Variants in DNAH7 observed in about 807,000 individuals in gnomAD.
DNAH7 encodes the protein axonemal beta dynein heavy chain 7.
In DNAH7, 397 loss-of-function variants were observed where a neutral mutation model predicts 444.6. That is an observed-to-expected ratio of 0.89 (90% CI 0.82 to 0.97). The LOEUF is 0.97. DNAH7 is among the 50% of genes least tolerant of loss of function. The pLI is 0.00. For synonymous variants in DNAH7, 1,636 were observed against 1,624.4 expected (o/e 1.01, Z -0.17); for missense variants, 4,902 against 4,800.8 (o/e 1.02, Z -0.62).
At position 195,847,811 on chromosome 2, in the gene DNAH7, G is replaced by C. The variant is rs544021707; in HGVS notation, c.8782-2646C>G. Among the ~76,000 whole-genome samples the C allele has an allele frequency of 7.9e-5, 12 of 152,214 alleles. 1 individual carries two copies. In the South Asian group the frequency reaches 1.5e-3, roughly 18 times the overall value. On this transcript the variant is annotated intron_variant, in intron 46 of 64. Coordinates refer to ENST00000312428, the MANE Select transcript of DNAH7 (RefSeq NM_018897.3). ...GGAGAGACGGAAAACTTTTACTTCT[G>C]ACTCACATGCCCTGCGAGTGGCTAC...
At chr2:195,782,662 A>G (rs532283960) in intron 58 of DNAH7, among the ~76,000 whole-genome samples, 4 of 152,228 alleles carry the variant, frequency 2.6e-5, no homozygotes, top group Non-Finnish European at 5.9e-5. Flanking sequence ...ATTTAAAAAG[A>G]CATAACACTT....
chr2:196,001,675 T>G lies in DNAH7; in HGVS notation c.1173A>C (p.Pro391=). The change falls in exon 11 of 65, where the codon CCA becomes CCC. Residue 391 remains proline (P), a splice_region_variant and synonymous_variant. Transcript: ENST00000312428. Reference sequence around the variant, plus strand: ...TATTGGTGAACTGAACCATACTTACTGGGGGTTGTGCAATTAAGTCCGTGA... The same window carrying G: ...TATTGGTGAACTGAACCATACTTACGGGGGGTTGTGCAATTAAGTCCGTGA... ...QDFTDLIAQP[P]DSVRAFEHPG... is the part of the protein sequence containing the mutation. The G allele has an allele frequency of 6.4e-7, 1 of 1,550,486 alleles. No individual in the cohort carries two copies. The highest frequency in any genetic ancestry group is 8.7e-7 in the Non-Finnish European group (1 of 1,149,088).
chr2:195,912,668 C>G (rs1403441315), intron 24 of DNAH7, among the ~76,000 whole-genome samples: 3 of 152,226 alleles, frequency 2.0e-5, no homozygotes, highest in African/African-American at 7.2e-5. Context: ...CTTGGAAGAT[C>G]TGGCACATCT....
intron 24 of DNAH7, among the ~76,000 whole-genome samples, chr2:195,917,867 C>G (rs1353378713): frequency 7.2e-5 from 11 of 152,028 alleles, no homozygotes; most frequent in African/African-American, 2.4e-4. Flanking sequence ...GGGAGTTTTG[C>G]TATGTTGCCC....
chr2:195,875,218 T>C (rs921816607), intron 38 of DNAH7, among the ~76,000 whole-genome samples: 5 of 152,146 alleles, frequency 3.3e-5, no homozygotes, highest in African/African-American at 1.2e-4. Context: ...GGGACTTGAT[T>C]TGGGGTAGAA....
chr2:195,966,810 C>T (rs761042392), intron 17 of DNAH7, among the ~76,000 whole-genome samples: 36 of 152,078 alleles, frequency 2.4e-4, no homozygotes, highest in Non-Finnish European at 4.4e-4. Context: ...TTTTTTCAAC[C>T]TTTTATTTTC....
At chr2:195,890,219 G>GCTGT (rs1245623498) in intron 31 of DNAH7, among the ~76,000 whole-genome samples, 2 of 152,322 alleles carry the variant, frequency 1.3e-5, no homozygotes, top group Non-Finnish European at 2.9e-5. Context: ...GCCACTTCTA[G>GCTGT]CTGTGTTCAG....
At chr2:195,914,524 C>T (rs1182321828) in intron 24 of DNAH7, among the ~76,000 whole-genome samples, 1 of 152,218 alleles carries the variant, frequency 6.6e-6, no homozygotes, top group East Asian at 1.9e-4. Flanking sequence ...AGTACAACTG[C>T]ATTGTTCTTG....
intron 5 of DNAH7, among the ~76,000 whole-genome samples, chr2:196,030,583 C>T (rs1695989598): frequency 6.6e-6 from 1 of 152,184 alleles, no homozygotes. Flanking sequence ...CATGTAAAGT[C>T]AAAAGCAAGC....
intron 58 of DNAH7, among the ~76,000 whole-genome samples, chr2:195,784,060 C>T (rs968224934): frequency 3.9e-5 from 6 of 152,086 alleles, no homozygotes; most frequent in Admixed American, 6.5e-5. Context: ...AAGTGGCACA[C>T]GTCTTACAAA....
chr2:195,884,638 T>C lies in DNAH7; in HGVS notation c.5710A>G (p.Thr1904Ala). ...GTEQTSSKALTVPFPEKGTIY... is the reference protein window; with the variant it reads ...GTEQTSSKALAVPFPEKGTIY... ...GTTCCTTTTTCAGGAAATGGGACAGTTAGTGCCTTTGAGGATGTTTGCTCA... is the reference window on the plus strand; with the variant it reads ...GTTCCTTTTTCAGGAAATGGGACAGCTAGTGCCTTTGAGGATGTTTGCTCA... The change falls in exon 35 of 65, where the codon ACT (threonine) becomes GCT (alanine). Residue 1904 changes from threonine (T) to alanine (A), a missense_variant. Thr to Ala is a moderately conservative substitution (Grantham distance 58). Transcript: ENST00000312428. 6.2e-7 allele frequency: 1 copy of C among 1,614,176 alleles called. No homozygotes were observed. Among genetic ancestry groups the C allele is most frequent in the Non-Finnish European group, 8.5e-7 (1 of 1,180,008 alleles).
intron 48 of DNAH7, among the ~76,000 whole-genome samples, chr2:195,827,359 C>T (rs1307917026): frequency 2.0e-5 from 3 of 151,748 alleles, no homozygotes; most frequent in Admixed American, 6.6e-5. Flanking sequence ...CTCACTGCAA[C>T]CTCCATCTCC....
At chr2:195,987,841 A>T in intron 13 of DNAH7, 116 bp downstream of exon 13, 1 of 1,042,558 alleles carries the variant, frequency 9.6e-7, no homozygotes, top group Non-Finnish European at 1.4e-6. Context: ...CTCAATAAAT[A>T]TTTTTCCTGT....
chr2:195,773,146 ATAAT>A, intron 60 of DNAH7, among the ~76,000 whole-genome samples: 1 of 152,336 alleles, frequency 6.6e-6, no homozygotes, highest in East Asian at 1.9e-4. Flanking sequence ...ACACAATAAA[ATAAT>A]TAAATGTTGG....
At chr2:195,866,901 A>G (rs1411077077) in intron 40 of DNAH7, among the ~76,000 whole-genome samples, 1 of 152,138 alleles carries the variant, frequency 6.6e-6, no homozygotes, top group East Asian at 1.9e-4. Context: ...ATGATAGTGA[A>G]TAAGTCTCAC....
Position 195,872,433 on chromosome 2 carries a change from T to C in DNAH7, c.6450A>G (p.Thr2150=). 2 of 1,605,588 alleles carry C rather than the reference T, an allele frequency of 1.2e-6. No homozygotes were observed. The highest frequency in any genetic ancestry group is 2.3e-5 in the South Asian group (2 of 88,460). The change falls in exon 40 of 65, where the codon ACA becomes ACG. Residue 2150 remains threonine (T), a synonymous_variant. Transcript: ENST00000312428. ...GAGTCATTGTGCCATTTACGATTTGTGTGGTCAAATCTAGAAATTCATCTG... is the reference window on the plus strand; with the variant it reads ...GAGTCATTGTGCCATTTACGATTTGCGTGGTCAAATCTAGAAATTCATCTG... The part of the protein sequence containing the change: ...KFPDEFLDLT[T]QIVNGTMTLY...
chr2:195,755,995 T>G, intron 62 of DNAH7, 138 bp downstream of exon 62: 1 of 817,134 alleles, frequency 1.2e-6, no homozygotes, highest in Non-Finnish European at 1.8e-6. Context: ...ATACATTATA[T>G]GAAATATTAA....
chr2:196,026,620 TTAAG>T (rs1357657886), intron 7 of DNAH7, 136 bp downstream of exon 7: 4 of 623,158 alleles, frequency 6.4e-6, no homozygotes, highest in African/African-American at 3.7e-5. Flanking sequence ...GCCTAAGATC[TTAAG>T]TAATATAACA....
intron 15 of DNAH7, among the ~76,000 whole-genome samples, chr2:195,978,649 C>T (rs1326240231): frequency 9.9e-5 from 15 of 152,106 alleles, no homozygotes; most frequent in African/African-American, 3.6e-4. Flanking sequence ...GATAACAAAA[C>T]AAGACCCAGT....
Sources: gnomAD v4.1 joint callset for allele counts (sites outside exome capture counted in the v4.1 genomes callset) on GRCh38, gnomAD v4.1.1 for gene constraint, MANE v1.5 for transcripts, NCBI Gene and HGNC (gene_info 2026-07-23, HGNC 2026-07-21) for gene names.